Variants in ACVR1C observed in about 807,000 individuals in gnomAD.
ACVR1C encodes activin A receptor type 1C.
ACVR1C carries 23 observed loss-of-function variants against 57.9 expected under a neutral mutation model. That is an observed-to-expected ratio of 0.40 (90% CI 0.29 to 0.56). The LOEUF (loss-of-function observed/expected upper bound fraction) is 0.56, where lower values mean the gene tolerates loss of function less well. Ranked by LOEUF, ACVR1C falls within the 20% of genes least tolerant of loss-of-function variation. ACVR1C has a pLI of 0.50. For synonymous variants in ACVR1C, 214 were observed against 215.3 expected (o/e 0.99, Z 0.05); for missense variants, 480 against 607.9 (o/e 0.79, Z 2.21).
chr2:157,548,549 CA>C, intron 4 of ACVR1C, among the ~76,000 whole-genome samples: 1 of 151,376 alleles, frequency 6.6e-6, no homozygotes, highest in East Asian at 1.9e-4. Flanking sequence ...CTACAGTAAC[CA>C]AAACAGCATG....
intron 1 of ACVR1C, among the ~76,000 whole-genome samples, chr2:157,595,061 A>G (rs1262999856): frequency 6.6e-6 from 1 of 152,252 alleles, no homozygotes; most frequent in Non-Finnish European, 1.5e-5. Flanking sequence ...AGCTTTTTCC[A>G]GAAATACCAT....
At chr2:157,543,937 TTA>T (rs1310458014) in intron 5 of ACVR1C, among the ~76,000 whole-genome samples, 1 of 152,126 alleles carries the variant, frequency 6.6e-6, no homozygotes, top group African/African-American at 2.4e-5. Context: ...TTTAAAAATA[TTA>T]TTATGGATAA....
intron 3 of ACVR1C, among the ~76,000 whole-genome samples, chr2:157,554,345 GAA>G (rs1401086500): frequency 1.7e-5 from 2 of 118,506 alleles, no homozygotes; most frequent in Non-Finnish European, 3.3e-5. Flanking sequence ...AAGAGAGAAA[GAA>G]AGAAAGAGAA....
intron 2 of ACVR1C, among the ~76,000 whole-genome samples, chr2:157,580,066 A>AACACAC (rs371320436): frequency 6.7e-6 from 1 of 149,522 alleles, no homozygotes; most frequent in African/African-American, 2.5e-5. Flanking sequence ...TCTTGCAATT[A>AACACAC]ACACACACAC....
intron 7 of ACVR1C, among the ~76,000 whole-genome samples, chr2:157,539,572 T>A (rs955339824): frequency 6.6e-6 from 1 of 152,246 alleles, no homozygotes; most frequent in Non-Finnish European, 1.5e-5. Flanking sequence ...AATATCAATA[T>A]GAAATTTTTA....
chr2:157,561,223 T>A (rs1688224751), intron 2 of ACVR1C, among the ~76,000 whole-genome samples: 1 of 152,228 alleles, frequency 6.6e-6, no homozygotes, highest in African/African-American at 2.4e-5. Flanking sequence ...AGTAAAAAGA[T>A]AACATTTTGC....
rs1475421581 is a variant in ACVR1C, at chr2:157,532,449, A to G, written c.*1469T>C. 6.6e-6 allele frequency: 1 copy of G among 150,980 alleles called. No homozygotes were observed. The highest frequency in any genetic ancestry group is 2.4e-5 in the African/African-American group (1 of 40,910). 9.4% of individuals were successfully genotyped at this position (150,980 alleles called of 1,614,324 possible). ...AATACATTATATGCTAACATGTACTATCACTTTATAAGCAAGTACCAAAGA... is the reference window on the plus strand; with the variant it reads ...AATACATTATATGCTAACATGTACTGTCACTTTATAAGCAAGTACCAAAGA... On this transcript the variant is annotated 3_prime_UTR_variant, in exon 9 of 9. Coordinates refer to ENST00000243349, the MANE Select transcript of ACVR1C (RefSeq NM_145259.3).
intron 2 of ACVR1C, among the ~76,000 whole-genome samples, chr2:157,573,020 A>G (rs527811124): frequency 2.6e-5 from 4 of 152,186 alleles, no homozygotes; most frequent in Non-Finnish European, 5.9e-5. Context: ...AAGTTAAGAA[A>G]CAACAATGGG....
intron 1 of ACVR1C, among the ~76,000 whole-genome samples, chr2:157,588,878 T>TATATATATAC (rs1318681791): frequency 2.9e-5 from 4 of 139,944 alleles, no homozygotes; most frequent in Non-Finnish European, 4.6e-5. Context: ...TATATATATA[T>TATATATATAC]ACGTGTGTGT....
chr2:157,581,667 G>A (rs931158181), intron 2 of ACVR1C, among the ~76,000 whole-genome samples: 1 of 152,158 alleles, frequency 6.6e-6, no homozygotes, highest in African/African-American at 2.4e-5. Context: ...CCCACCATCT[G>A]GGGTGACTGA....
chr2:157,618,444 T>C (rs1242170888), intron 1 of ACVR1C, among the ~76,000 whole-genome samples: 1 of 151,728 alleles, frequency 6.6e-6, no homozygotes, highest in Non-Finnish European at 1.5e-5. Flanking sequence ...TACAACCGTA[T>C]TGGTAAATAT....
At chr2:157,552,127 G>C (rs554388943) in intron 3 of ACVR1C, among the ~76,000 whole-genome samples, 3 of 152,096 alleles carry the variant, frequency 2.0e-5, no homozygotes, top group African/African-American at 7.2e-5. Flanking sequence ...TTGTTGGTTT[G>C]TTTTGTTTGT....
At chr2:157,535,651 T>A (rs772910726) in intron 8 of ACVR1C, among the ~76,000 whole-genome samples, 6 of 151,940 alleles carry the variant, frequency 3.9e-5, no homozygotes, top group Non-Finnish European at 7.4e-5. Context: ...AACATAGTGG[T>A]GCATGCCTGT....
intron 4 of ACVR1C, among the ~76,000 whole-genome samples, chr2:157,545,104 GTTGA>G (rs1218802684): frequency 3.9e-5 from 6 of 152,228 alleles, no homozygotes; most frequent in African/African-American, 9.6e-5. Flanking sequence ...AAAATATAGA[GTTGA>G]TTATTTTCCC....
chr2:157,622,915 A>G (rs996721380), intron 1 of ACVR1C, among the ~76,000 whole-genome samples: 1 of 152,152 alleles, frequency 6.6e-6, no homozygotes, highest in East Asian at 1.9e-4. Context: ...TGTAGGGAAA[A>G]AAAATCTAAT....
rs374701896 is a variant in ACVR1C, at chr2:157,622,237, C to T, written c.73+6335G>A. Reference sequence around the variant, plus strand: ...AGATACTATAAGGTATAACTAATGACGTTCTTCACAGAAATAGAAAAAAAA... The same window carrying T: ...AGATACTATAAGGTATAACTAATGATGTTCTTCACAGAAATAGAAAAAAAA... On this transcript the variant is annotated intron_variant, in intron 1 of 8. Coordinates refer to ENST00000243349, the MANE Select transcript of ACVR1C (RefSeq NM_145259.3). Among the ~76,000 whole-genome samples, 5 of 152,036 alleles carry T rather than the reference C, an allele frequency of 3.3e-5. No individual in the cohort carries two copies. The South Asian group carries it at 8.3e-4, about 25-fold the overall frequency.
At chr2:157,535,140 G>A in intron 8 of ACVR1C, among the ~76,000 whole-genome samples, 1 of 37,094 alleles carries the variant, frequency 2.7e-5, no homozygotes, top group African/African-American at 1.2e-4. Context: ...GCAAGACTCT[G>A]TCCAAAAAAA....
At chr2:157,544,671 T>C (rs2105210192) in intron 4 of ACVR1C, 59 bp from the exon 5 acceptor site, 1 of 1,437,080 alleles carries the variant, frequency 7.0e-7, no homozygotes, top group East Asian at 2.3e-5. Context: ...AGCCAAAAGC[T>C]TTTAAAAATA....
In ACVR1C at chr2:157,620,381, G is replaced by A. The variant is rs183566460; in HGVS notation, c.73+8191C>T. Among the ~76,000 whole-genome samples, 207 of 152,100 alleles carry A rather than the reference G, an allele frequency of 1.4e-3. 1 individual carries two copies. The highest frequency in any genetic ancestry group is 2.4e-3 in the Non-Finnish European group (161 of 67,926). On this transcript the variant is annotated intron_variant, in intron 1 of 8. Coordinates refer to ENST00000243349, the MANE Select transcript of ACVR1C (RefSeq NM_145259.3). ...AATAGAATTTTTACTCTTGGAGAAC[G>A]AAAATGGAGATGATAGAGAAAAAAA...
Sources: gnomAD v4.1 joint callset for allele counts (sites outside exome capture counted in the v4.1 genomes callset) on GRCh38, gnomAD v4.1.1 for gene constraint, MANE v1.5 for transcripts, NCBI Gene and HGNC (gene_info 2026-07-23, HGNC 2026-07-21) for gene names.